The following NFILZ variants were observed in gnomAD, a reference collection of about 807,000 sequenced individuals.
NFILZ encodes NFIL3 like protein.
chr19:8,649,092 G>C (rs2042954342), intron 3 of NFILZ, among the ~76,000 whole-genome samples: 1 of 147,880 alleles, frequency 6.8e-6, no homozygotes, highest in Admixed American at 6.7e-5. Flanking sequence ...CCTCCTGAGT[G>C]GCTGGGACCA....
chr19:8,658,664 TATTCATTCATTC>T (rs112446704), intron 3 of NFILZ, among the ~76,000 whole-genome samples: 1 of 150,974 alleles, frequency 6.6e-6, no homozygotes, highest in African/African-American at 2.4e-5. Flanking sequence ...GAGAGGATTC[TATTCATTCATTC>T]ATTCATTCAT....
chr19:8,668,401 C>G (rs1021599076), intron 3 of NFILZ, among the ~76,000 whole-genome samples: 10 of 150,756 alleles, frequency 6.6e-5, no homozygotes, highest in African/African-American at 2.0e-4. Flanking sequence ...TATCTGAGCT[C>G]TAACTGGTTC....
intron 3 of NFILZ, among the ~76,000 whole-genome samples, chr19:8,640,224 C>T (rs1555746531): frequency 6.6e-6 from 1 of 151,890 alleles, no homozygotes; most frequent in Admixed American, 6.6e-5. Context: ...CCCCAGATCA[C>T]TCTTGCACAT....
At chr19:8,639,503 A>G (rs2042909664) in intron 3 of NFILZ, among the ~76,000 whole-genome samples, 1 of 151,968 alleles carries the variant, frequency 6.6e-6, no homozygotes, top group Non-Finnish European at 1.5e-5. Flanking sequence ...AGGCAGGAAG[A>G]TCGCTTGAGC....
At chr19:8,637,654 T>A (rs2042900715) in intron 3 of NFILZ, among the ~76,000 whole-genome samples, 1 of 145,446 alleles carries the variant, frequency 6.9e-6, no homozygotes, top group Non-Finnish European at 1.5e-5. Flanking sequence ...CGCCTGTAAT[T>A]CCAGCACTTT....
At chr19:8,654,007 TCACC>T (rs2042980800) in intron 3 of NFILZ, among the ~76,000 whole-genome samples, 1 of 152,054 alleles carries the variant, frequency 6.6e-6, no homozygotes, top group African/African-American at 2.4e-5. Flanking sequence ...GGCAGGTGGA[TCACC>T]TGAGGTCAGG....
At chr19:8,649,261 T>G (rs1194636716) in intron 3 of NFILZ, among the ~76,000 whole-genome samples, 1 of 143,688 alleles carries the variant, frequency 7.0e-6, no homozygotes, top group Non-Finnish European at 1.5e-5. Flanking sequence ...TCACCACACC[T>G]GGCAATTAAG....
intron 3 of NFILZ, among the ~76,000 whole-genome samples, chr19:8,657,757 T>TG (rs1224846017): frequency 6.6e-6 from 1 of 152,172 alleles, no homozygotes; most frequent in East Asian, 1.9e-4. Flanking sequence ...AGCAGGTTTC[T>TG]GGGGGGCTCT....
At chr19:8,637,912 C>CAAAAAAAAAAAAAAAAAAAAAAAA (rs35778716) in intron 3 of NFILZ, among the ~76,000 whole-genome samples, 9 of 20,274 alleles carry the variant, frequency 4.4e-4, no homozygotes, top group African/African-American at 8.4e-4. Flanking sequence ...AAGATGGTCT[C>CAAAAAAAAAAAAAAAAAAAAAAAA]AAAAAAAAAA....
intron 3 of NFILZ, among the ~76,000 whole-genome samples, chr19:8,645,565 C>A (rs548694478): frequency 1.3e-5 from 2 of 152,140 alleles, no homozygotes; most frequent in Admixed American, 6.5e-5. Context: ...GTGTAACACA[C>A]CCAGAGCCAA....
intron 3 of NFILZ, among the ~76,000 whole-genome samples, chr19:8,653,191 C>T (rs1162598221): frequency 6.6e-6 from 1 of 151,660 alleles, no homozygotes; most frequent in Non-Finnish European, 1.5e-5. Context: ...AGTGATTCTC[C>T]TGCCTCAGCC....
chr19:8,641,232 T>C (rs1381177764), intron 3 of NFILZ, among the ~76,000 whole-genome samples: 2 of 152,026 alleles, frequency 1.3e-5, no homozygotes, highest in African/African-American at 4.8e-5. Context: ...GTTTTTTTTT[T>C]GTAGAGATGG....
chr19:8,643,535 T>C (rs2042927483), intron 3 of NFILZ, among the ~76,000 whole-genome samples: 1 of 152,146 alleles, frequency 6.6e-6, no homozygotes, highest in Non-Finnish European at 1.5e-5. Context: ...TGCTCCCCAA[T>C]GTGGGCAGAC....
rs1227521950 is a variant in NFILZ at position 8,663,748 on chromosome 19, G to GTATGTGTGTGTATGTGTGTGTGTGTA, written c.-163-10802_-163-10801insATGTGTGTGTATGTGTGTGTGTGTAT. 4.3e-5 allele frequency among the ~76,000 whole-genome samples: 6 copies of GTATGTGTGTGTATGTGTGTGTGTGTA among 139,376 alleles called. 1 individual carries two copies. Among genetic ancestry groups the GTATGTGTGTGTATGTGTGTGTGTGTA allele is most frequent in the African/African-American group, 1.7e-4 (6 of 35,456 alleles). 91.4% of individuals were successfully genotyped at this position (139,376 alleles called of 152,430 possible). ...TGTGTGTGTGTGTGTGTGTGTGTGT[G>GTATGTGTGTGTATGTGTGTGTGTGTA]TGTGTGTGTGTGTGTGTGTGTGTAT... is the stretch of plus-strand genomic sequence containing the variant. On this transcript the variant is annotated intron_variant, in intron 3 of 5. Coordinates refer to ENST00000691075, the MANE Select transcript of NFILZ (RefSeq NM_001378600.1).
At chr19:8,635,371 C>T (rs1555746008) in intron 2 of NFILZ, among the ~76,000 whole-genome samples, 2 of 151,490 alleles carry the variant, frequency 1.3e-5, no homozygotes, top group Non-Finnish European at 2.9e-5. Context: ...CCTCCCAATT[C>T]CTGCAATTCC....
At chr19:8,664,365 C>T (rs2043051861) in intron 3 of NFILZ, among the ~76,000 whole-genome samples, 1 of 152,160 alleles carries the variant, frequency 6.6e-6, no homozygotes, top group Non-Finnish European at 1.5e-5. Flanking sequence ...TGCCCACCCC[C>T]CACTTCCTGC....
intron 3 of NFILZ, among the ~76,000 whole-genome samples, chr19:8,636,479 C>G (rs1555746117): frequency 2.2e-5 from 3 of 134,530 alleles, no homozygotes; most frequent in African/African-American, 8.1e-5. Context: ...GAGTCTTGCT[C>G]TGTCGCCCAG....
intron 3 of NFILZ, among the ~76,000 whole-genome samples, chr19:8,646,989 T>C (rs1177095173): frequency 1.3e-5 from 2 of 152,178 alleles, no homozygotes; most frequent in African/African-American, 2.4e-5. Context: ...GGCGGATACC[T>C]TGATCGCTCT....
At chr19:8,653,008 C>T (rs28544138) in intron 3 of NFILZ, among the ~76,000 whole-genome samples, 316 of 25,582 alleles carry the variant, frequency 0.012, 9 homozygotes, top group African/African-American at 0.038. Flanking sequence ...TCCTTCCTTC[C>T]TTCCTTTCTT....
Sources: allele counts gnomAD v4.1 joint callset (sites outside exome capture counted in the v4.1 genomes callset), GRCh38; gene constraint gnomAD v4.1.1; transcripts MANE v1.5; gene names NCBI Gene and HGNC (gene_info 2026-07-23, HGNC 2026-07-21).